PLD5: variants seen among roughly 807,000 people sequenced by gnomAD.
PLD5 encodes phospholipase D family member 5, also known as inactive phospholipase D5.
PLD5 carries 36 observed loss-of-function variants against 61.1 expected under a neutral mutation model. That is an observed-to-expected ratio of 0.59 (90% CI 0.45 to 0.78). The LOEUF (loss-of-function observed/expected upper bound fraction) is 0.78. Ranked by LOEUF, PLD5 falls within the 30% of genes least tolerant of loss-of-function variation. The probability of loss-of-function intolerance (pLI) is 0.00; values close to 1 mark genes in which losing one functional copy is unlikely to be tolerated. For missense variants in PLD5, 515 were observed against 644.4 expected (o/e 0.80, Z 2.17); for synonymous variants, 243 against 242.8 (o/e 1.00, Z -0.01).
intron 4 of PLD5, among the ~76,000 whole-genome samples, chr1:242,238,453 C>T (rs756105785): frequency 1.1e-4 from 16 of 152,148 alleles, no homozygotes; most frequent in African/African-American, 2.9e-4. Flanking sequence ...TGCTAGCAGG[C>T]GGTCTAGCAG....
intron 5 of PLD5, among the ~76,000 whole-genome samples, chr1:242,195,785 C>A (rs931635735): frequency 6.6e-6 from 1 of 152,178 alleles, no homozygotes; most frequent in Admixed American, 6.5e-5. Context: ...CCTCTGAGAT[C>A]ATGAATGTGA....
intron 9 of PLD5, 25 bp downstream of exon 9, chr1:242,100,643 G>A: frequency 6.3e-7 from 1 of 1,580,050 alleles, no homozygotes; most frequent in Non-Finnish European, 8.7e-7. Context: ...CCCCACCCAA[G>A]GAGCTTCACA....
rs1463876260 is a variant in PLD5, at chr1:242,354,173, A to G, written c.190-5931T>C. ...TGATCCCTAGCTGCCCTCCTTGCTC[A>G]TAGGCATAAGACACTCCCCACCAGC... On this transcript the variant is annotated intron_variant, in intron 1 of 9. Coordinates refer to ENST00000536534, the MANE Select transcript of PLD5 (RefSeq NM_001372062.1). 8.5e-5 allele frequency among the ~76,000 whole-genome samples: 13 copies of G among 152,230 alleles called. 1 individual carries two copies. Among genetic ancestry groups the G allele is most frequent in the Non-Finnish European group, 1.2e-4 (8 of 68,004 alleles).
rs1558344454 is a variant in PLD5, at chr1:242,207,900, A to ATTTT, written c.735+12087_735+12088insAAAA. 1.5e-3 allele frequency among the ~76,000 whole-genome samples: 13 copies of ATTTT among 8,662 alleles called. 2 individuals are homozygous for ATTTT. Among genetic ancestry groups the ATTTT allele is most frequent in the African/African-American group, 6.6e-3 (13 of 1,964 alleles). 5.7% of individuals were successfully genotyped at this position (8,662 alleles called of 152,430 possible). A position where few individuals can be genotyped will look rare whatever the true frequency, so the allele number is the denominator to read the frequency against. ...TATTTATATATTTATATATATTTAT[A>ATTTT]TATTTATATATATTTATATATTTAT... On this transcript the variant is annotated intron_variant, in intron 5 of 9. Coordinates refer to ENST00000536534, the MANE Select transcript of PLD5 (RefSeq NM_001372062.1).
intron 1 of PLD5, among the ~76,000 whole-genome samples, chr1:242,434,411 A>G (rs990821130): frequency 1.3e-4 from 20 of 152,224 alleles, no homozygotes; most frequent in African/African-American, 4.8e-4. Flanking sequence ...ACATTGTTTT[A>G]GACAAGGTGG....
At chr1:242,152,167 C>A (rs886068726) in intron 5 of PLD5, among the ~76,000 whole-genome samples, 1 of 152,084 alleles carries the variant, frequency 6.6e-6, no homozygotes, top group Admixed American at 6.5e-5. Flanking sequence ...GTTTTCTTGC[C>A]GTTTCTGGGT....
At chr1:242,246,205 C>CA (rs909392978) in intron 4 of PLD5, among the ~76,000 whole-genome samples, 12 of 151,188 alleles carry the variant, frequency 7.9e-5, no homozygotes, top group Non-Finnish European at 1.0e-4. Context: ...CCATCTCTAC[C>CA]AAAAAAAATA....
At chr1:242,449,542 G>T in intron 1 of PLD5, 1 of 1,450,668 alleles carries the variant, frequency 6.9e-7, no homozygotes, top group South Asian at 1.4e-5. Flanking sequence ...CAGCCAAACT[G>T]AGCACGAAGA....
chr1:242,109,353 C>T (rs1661303836), intron 7 of PLD5, among the ~76,000 whole-genome samples: 2 of 152,204 alleles, frequency 1.3e-5, no homozygotes, highest in African/African-American at 4.8e-5. Context: ...TGGCATGCAC[C>T]TGTAATCCCA....
At chr1:242,516,125 GT>G (rs1411818496) in intron 1 of PLD5, among the ~76,000 whole-genome samples, 14 of 151,844 alleles carry the variant, frequency 9.2e-5, no homozygotes, top group Non-Finnish European at 1.8e-4. Context: ...CTGTTCAAGT[GT>G]CTTCCTCACT....
intron 1 of PLD5, among the ~76,000 whole-genome samples, chr1:242,409,452 C>T (rs2149286990): frequency 6.6e-6 from 1 of 150,468 alleles, no homozygotes; most frequent in South Asian, 2.1e-4. Context: ...CTTATTGGTG[C>T]AAGCAGAAGC....
At chr1:242,475,415 T>A (rs1448086317) in intron 1 of PLD5, among the ~76,000 whole-genome samples, 1 of 93,832 alleles carries the variant, frequency 1.1e-5, no homozygotes. Flanking sequence ...AGAGCGAGAC[T>A]CCGTCTCAAA....
chr1:242,402,187 T>C (rs1230081554), intron 1 of PLD5, among the ~76,000 whole-genome samples: 1 of 152,204 alleles, frequency 6.6e-6, no homozygotes, highest in Non-Finnish European at 1.5e-5. Context: ...TGTGACAGGA[T>C]AACTGTAAGA....
chr1:242,099,705 C>T (rs908122575), intron 9 of PLD5, among the ~76,000 whole-genome samples: 4 of 151,936 alleles, frequency 2.6e-5, no homozygotes, highest in South Asian at 2.1e-4. Flanking sequence ...GGTGATGTTG[C>T]GAAGAGAAAT....
At chr1:242,391,250 G>A (rs1282659237) in intron 1 of PLD5, among the ~76,000 whole-genome samples, 1 of 152,172 alleles carries the variant, frequency 6.6e-6, no homozygotes, top group Non-Finnish European at 1.5e-5. Flanking sequence ...TAGTATCTGT[G>A]TCAAAAGCTA....
chr1:242,518,670 T>C (rs1327515352), intron 1 of PLD5, among the ~76,000 whole-genome samples: 7 of 152,222 alleles, frequency 4.6e-5, no homozygotes, highest in Admixed American at 4.6e-4. Flanking sequence ...GAAATTGGCA[T>C]GTAGCTATTA....
At chr1:242,502,032 A>G (rs1169108079) in intron 1 of PLD5, among the ~76,000 whole-genome samples, 1 of 152,116 alleles carries the variant, frequency 6.6e-6, no homozygotes, top group Non-Finnish European at 1.5e-5. Context: ...ATGCTAAGAC[A>G]CAGTTTCTTG....
chr1:242,149,041 A>AGTACAATGTACAATAGGATTAGT (rs1664741283), intron 5 of PLD5, among the ~76,000 whole-genome samples: 1 of 150,596 alleles, frequency 6.6e-6, no homozygotes, highest in African/African-American at 2.4e-5. Context: ...TATGACTTCC[A>AGTACAATGTACAATAGGATTAGT]GTACAATGTG....
At chr1:242,136,385 A>G (rs1663729088) in intron 5 of PLD5, among the ~76,000 whole-genome samples, 1 of 152,074 alleles carries the variant, frequency 6.6e-6, no homozygotes, top group African/African-American at 2.4e-5. Flanking sequence ...CTCTTGACTT[A>G]CACCTGTTGC....
Sources: gnomAD v4.1 joint callset for allele counts (sites outside exome capture counted in the v4.1 genomes callset) on GRCh38, gnomAD v4.1.1 for gene constraint, MANE v1.5 for transcripts, NCBI Gene and HGNC (gene_info 2026-07-23, HGNC 2026-07-21) for gene names.